Variants in NOL6 observed in about 807,000 individuals in gnomAD.
NOL6 encodes the protein nucleolar RNA-associated protein.
In NOL6, 33 loss-of-function variants were observed where a neutral mutation model predicts 131.7. The observed-to-expected ratio is 0.25, with a 90% CI of 0.19 to 0.33. The LOEUF is 0.33. NOL6 is among the 10% of genes least tolerant of loss of function. NOL6 has a pLI of 1.00. For synonymous variants in NOL6, 580 were observed against 605.7 expected, an observed-to-expected ratio of 0.96 and a Z score of 0.62; for missense variants, 1,297 against 1,494.5, an observed-to-expected ratio of 0.87 and a Z score of 2.18.
In NOL6 at chr9:33,468,958, C is replaced by T; in HGVS notation, c.1026G>A (p.Lys342=). 1 of 1,614,166 alleles carries T rather than the reference C, an allele frequency of 6.2e-7. No individual in the cohort carries two copies. Among genetic ancestry groups the T allele is most frequent in the Non-Finnish European group, 8.5e-7 (1 of 1,180,018 alleles). ...KVWLRQRELD[K]GQGGFTGFLV... is the part of the protein sequence containing the mutation. ...GGAGGCTGCGCCACCCCCAACTCACCTTGTCCAGCTCCCGCTGCCGCAGCC... is the reference window on the plus strand; with the variant it reads ...GGAGGCTGCGCCACCCCCAACTCACTTTGTCCAGCTCCCGCTGCCGCAGCC... The change falls in exon 7 of 26, where the codon AAG becomes AAA. Residue 342 remains lysine, a splice_region_variant and synonymous_variant. Coordinates refer to ENST00000297990, the MANE Select transcript of NOL6 (RefSeq NM_022917.5).
intron 2 of NOL6, 29 bp downstream of exon 2, chr9:33,472,177 G>A (rs375040345): frequency 8.3e-5 from 134 of 1,613,292 alleles, no homozygotes; most frequent in Non-Finnish European, 1.0e-4. Context: ...TACACACCTC[G>A]AACAAAAGCT....
chr9:33,465,892 T>C lies in NOL6; in HGVS notation c.2370A>G (p.Gly790=), dbSNP rs1200388614. The change falls in exon 19 of 26, where the codon GGA becomes GGG. Residue 790 remains glycine, a synonymous_variant. Coordinates refer to ENST00000297990, the MANE Select transcript of NOL6 (RefSeq NM_022917.5). ...TATHTDVLKD[G]FVFRIRVAYQ... is the part of the protein sequence containing the mutation. ...AGGCCACGCGAATCCGAAACACAAA[T>C]CCATCCTGTTGGAAGAAGGTATGGA... 1 of 1,613,612 alleles carries C rather than the reference T, an allele frequency of 6.2e-7. No homozygotes were observed. The highest frequency in any genetic ancestry group is 1.3e-5 in the African/African-American group (1 of 75,036).
At position 33,473,898 on chromosome 9, in the gene NOL6, T is replaced by G; in HGVS notation, c.-56A>C. 6.3e-7 allele frequency: 1 copy of G among 1,592,346 alleles called. No individual in the cohort carries two copies. Among genetic ancestry groups the G allele is most frequent in the East Asian group, 2.2e-5 (1 of 44,628 alleles). On this transcript the variant is annotated 5_prime_UTR_variant, in exon 1 of 26. It removes an upstream start codon present in the reference 5' UTR. Transcript: ENST00000297990. ...AGATTCTAGCCGGGTCTATACCTCA[T>G]AGCTTCCCACGTGGGCGGAAATGCC...
rs572677449 is a variant in NOL6 at position 33,464,169 on chromosome 9, C to A, written c.2780-8G>T. Reference sequence around the variant, plus strand: ...TCTCCACCTGCTCCTCCACTAGAGACAAGAATGGGTCCTGGGTCAGCCTGC... The same window carrying A: ...TCTCCACCTGCTCCTCCACTAGAGAAAAGAATGGGTCCTGGGTCAGCCTGC... On this transcript the variant is annotated splice_polypyrimidine_tract_variant and splice_region_variant and intron_variant, in intron 21 of 25. Transcript: ENST00000297990. The A allele has an allele frequency of 6.2e-7, 1 of 1,602,200 alleles. No homozygotes were observed. The highest frequency in any genetic ancestry group is 1.1e-5 in the South Asian group (1 of 88,228).
At chr9:33,472,733 G>A (rs1225277009) in intron 1 of NOL6, 2 of 399,620 alleles carry the variant, frequency 5.0e-6, no homozygotes, top group African/African-American at 2.0e-5. Flanking sequence ...AGCAGTTTGG[G>A]AGGTGGAGCT....
At chr9:33,472,161 C>T (rs1433936064) in intron 2 of NOL6, 41 bp from the exon 3 acceptor site, 2 of 1,612,508 alleles carry the variant, frequency 1.2e-6, no homozygotes, top group African/African-American at 1.3e-5. Flanking sequence ...GCCTCAGGGT[C>T]CCAGGTACAC....
chr9:33,463,742 GA>G, intron 23 of NOL6, 88 bp downstream of exon 23: 1 of 1,373,164 alleles, frequency 7.3e-7, no homozygotes, highest in Non-Finnish European at 1.0e-6. Context: ...CAAACAAGGG[GA>G]CCGGGTCTCC....
Position 33,466,940 on chromosome 9 carries a change from AG to A in NOL6, c.1921del (p.Leu641TrpfsTer8), listed in dbSNP as rs1329320091. On this transcript the variant is annotated frameshift_variant, in exon 15 of 26. Transcript: ENST00000297990. LOFTEE classifies it high-confidence loss of function. ...TTTCAGGCCTTGGATAAGTGCATCC[AG>A]GGGGCCCCCCACATAGTGGACACAG... The part of the protein sequence containing the change: ...ETCVHYVGGP[L>X]DALIQGLKET... 6.2e-7 allele frequency: 1 copy of A among 1,614,126 alleles called. No homozygotes were observed. The highest frequency in any genetic ancestry group is 8.5e-7 in the Non-Finnish European group (1 of 1,180,018).
At position 33,468,440 on chromosome 9, in the gene NOL6, G is replaced by C. The variant is rs1282715416; in HGVS notation, c.1207-18C>G. Reference sequence around the variant, plus strand: ...AGGGCCGGCTTGGGGGGTGTAGAGAGAAGCAGGTCAGGATTGGCACCTTAC... The same window carrying C: ...AGGGCCGGCTTGGGGGGTGTAGAGACAAGCAGGTCAGGATTGGCACCTTAC... On this transcript the variant is annotated intron_variant, in intron 9 of 25. Transcript: ENST00000297990. 1 of 1,614,008 alleles carries C rather than the reference G, an allele frequency of 6.2e-7. No homozygotes were observed. The highest frequency in any genetic ancestry group is 8.5e-7 in the Non-Finnish European group (1 of 1,179,916).
chr9:33,463,363 C>T lies in NOL6; in HGVS notation c.3073G>A (p.Ala1025Thr), dbSNP rs2119005927. Reference protein sequence around the residue: ...SPRHIPRHRQAVDSPAASFCR... With the variant: ...SPRHIPRHRQTVDSPAASFCR... ...AAGGAGGCAGCTGGCGAGTCCACAG[C>T]CTGGCGGTGCCGCGGGATATGGCGA... Residue 1025 changes from alanine (A) to threonine (T), a missense_variant, in exon 24 of 26, where the codon GCT becomes ACT. Coordinates refer to ENST00000297990, the MANE Select transcript of NOL6 (RefSeq NM_022917.5). The T allele has an allele frequency of 1.9e-6, 3 of 1,614,048 alleles. No homozygotes were observed. In the East Asian group the frequency reaches 6.7e-5, roughly 36 times the overall value.
chr9:33,469,507 C>T lies in NOL6; in HGVS notation c.719G>A (p.Arg240Gln), dbSNP rs759717422. 3.1e-6 allele frequency: 5 copies of T among 1,604,962 alleles called. No homozygotes were observed. The highest frequency in any genetic ancestry group is 1.7e-4 in the Middle Eastern group (1 of 6,008). The change falls in exon 5 of 26, where the codon CGG becomes CAG. Residue 240 changes from arginine (R) to glutamine (Q), a missense_variant. Physicochemically the swap from Arg to Gln is conservative, Grantham distance 43. Coordinates refer to ENST00000297990, the MANE Select transcript of NOL6 (RefSeq NM_022917.5). Reference protein sequence around the residue: ...GCHLKPSLLLRPRGKDERLVT... With the variant: ...GCHLKPSLLLQPRGKDERLVT... ...CAATGTGTGCCTCTCACCACGCGGCCGCAGCAACAGTGAGGGTTTCAGGTG... is the reference window on the plus strand; with the variant it reads ...CAATGTGTGCCTCTCACCACGCGGCTGCAGCAACAGTGAGGGTTTCAGGTG...
intron 23 of NOL6, 62 bp downstream of exon 23, chr9:33,463,769 C>A: frequency 1.3e-6 from 2 of 1,551,338 alleles, no homozygotes; most frequent in Non-Finnish European, 8.9e-7. Context: ...GATCCCTGAA[C>A]GCTGAACTTC....
At chr9:33,465,567 TCA>T (rs1331076409) in intron 19 of NOL6, among the ~76,000 whole-genome samples, 165 bp downstream of exon 19, 1 of 152,102 alleles carries the variant, frequency 6.6e-6, no homozygotes, top group African/African-American at 2.4e-5. Context: ...GACCATAGGG[TCA>T]CAGTCAGTAA....
rs1272786397 is a variant in NOL6, at chr9:33,466,596, T to G, written c.2064A>C (p.Gly688=). The change falls in exon 16 of 26, where the codon GGA becomes GGC. Residue 688 remains glycine, a synonymous_variant. Transcript: ENST00000297990. ...GLPLTVSAVQ[G]AHPVLRYTEV... is the part of the protein sequence containing the mutation. ...CTGTGTAGCGCAGCACTGGGTGAGC[T>G]CCCTGAACAGCAGACACGGTCAGTG... is the stretch of plus-strand genomic sequence containing the variant. 5.0e-6 allele frequency: 8 copies of G among 1,613,978 alleles called. No homozygotes were observed. The highest frequency in any genetic ancestry group is 1.3e-5 in the African/African-American group (1 of 74,978).
chr9:33,468,182 T>C lies in NOL6; in HGVS notation c.1309-37A>G, dbSNP rs181294945. On this transcript the variant is annotated intron_variant, in intron 10 of 25. Coordinates refer to ENST00000297990, the MANE Select transcript of NOL6 (RefSeq NM_022917.5). ...GAAGGGACCATCCCTGTGCCCTTCA[T>C]TGATCCAAGGGCTTAGACCAGGAGA... 5 of 1,614,098 alleles carry C rather than the reference T, an allele frequency of 3.1e-6. No homozygotes were observed. The East Asian group carries it at 1.1e-4, about 36-fold the overall frequency.
Position 33,468,973 on chromosome 9 carries a change from C to T in NOL6, c.1011G>A (p.Gln337=), listed in dbSNP as rs1338358142. 3.1e-6 allele frequency: 5 copies of T among 1,614,180 alleles called. No individual in the cohort carries two copies. The highest frequency in any genetic ancestry group is 1.1e-5 in the South Asian group (1 of 91,090). Residue 337 remains glutamine (Q), a synonymous_variant, in exon 7 of 26, where the codon CAG becomes CAA. Transcript: ENST00000297990. ...GVALLKVWLR[Q]RELDKGQGGF... ...CCCAACTCACCTTGTCCAGCTCCCG[C>T]TGCCGCAGCCAGACCTTCAGAAGTG...
intron 4 of NOL6, 105 bp downstream of exon 4, chr9:33,469,907 G>T: frequency 2.4e-6 from 3 of 1,257,344 alleles, no homozygotes; most frequent in Non-Finnish European, 3.3e-6. Flanking sequence ...TTCTGATTTA[G>T]AATTCTGACT....
In NOL6 at chr9:33,463,332, C is replaced by T. The variant is rs376917733; in HGVS notation, c.3104G>A (p.Arg1035Gln). The T allele has an allele frequency of 2.4e-5, 39 of 1,613,966 alleles. No individual in the cohort carries two copies. The highest frequency in any genetic ancestry group is 4.0e-5 in the African/African-American group (3 of 74,938). ...AVDSPAASFC[R>Q]GLLSQPGPSS... Reference sequence around the variant, plus strand: ...GGGCCCCGGCTGGCTGAGCAGGCCCCGGCAGAAGGAGGCAGCTGGCGAGTC... The same window carrying T: ...GGGCCCCGGCTGGCTGAGCAGGCCCTGGCAGAAGGAGGCAGCTGGCGAGTC... The change falls in exon 24 of 26, where the codon CGG becomes CAG. Residue 1035 changes from arginine to glutamine, a missense_variant. Coordinates refer to ENST00000297990, the MANE Select transcript of NOL6 (RefSeq NM_022917.5).
Position 33,463,345 on chromosome 9 carries a change from C to T in NOL6, c.3091G>A (p.Ala1031Thr), listed in dbSNP as rs538178073. 910 of 1,613,960 alleles carry T rather than the reference C, an allele frequency of 5.6e-4. 14 individuals carry two copies. In the South Asian group the frequency reaches 9.6e-3, roughly 17 times the overall value. The change falls in exon 24 of 26, where the codon GCC becomes ACC. Residue 1031 changes from alanine to threonine, a missense_variant. By Grantham distance (58) the Ala-to-Thr change is moderately conservative (BLOSUM62 0). Transcript: ENST00000297990. ...CTGAGCAGGCCCCGGCAGAAGGAGG[C>T]AGCTGGCGAGTCCACAGCCTGGCGG... ...RHRQAVDSPA[A>T]SFCRGLLSQP... is the part of the protein sequence containing the mutation.
Sources: gnomAD v4.1 joint callset for allele counts (sites outside exome capture counted in the v4.1 genomes callset) on GRCh38, gnomAD v4.1.1 for gene constraint, MANE v1.5 for transcripts, NCBI Gene and HGNC (gene_info 2026-07-23, HGNC 2026-07-21) for gene names.